OLA1: variants seen among roughly 807,000 people sequenced by gnomAD.
The protein encoded by OLA1 is obg-like ATPase 1.
Under a neutral mutation model 48.4 loss-of-function variants are expected in OLA1, and 14 were observed. The observed-to-expected ratio is 0.29, with a 90% CI of 0.19 to 0.45. The LOEUF (loss-of-function observed/expected upper bound fraction) is 0.45. OLA1 is among the 20% of genes least tolerant of loss of function. The pLI is 1.00. For synonymous variants in OLA1, 127 were observed against 150.4 expected, an observed-to-expected ratio of 0.84 and a Z score of 1.14; for missense variants, 325 against 467.1, an observed-to-expected ratio of 0.70 and a Z score of 2.80.
At chr2:174,098,578 G>A (rs1220021818) in intron 7 of OLA1, among the ~76,000 whole-genome samples, 1 of 152,132 alleles carries the variant, frequency 6.6e-6, no homozygotes, top group Non-Finnish European at 1.5e-5. Flanking sequence ...CAAGCAACCT[G>A]TTTGCAAAGG....
In OLA1 at chr2:174,072,786, C is replaced by T. The variant is rs1343209277; in HGVS notation, c.*2640G>A. On this transcript the variant is annotated 3_prime_UTR_variant, in exon 11 of 11. Transcript: ENST00000284719. ...TCATGAGTAAGGGGACTTATTCCAC[C>T]AATGAAACTGGCAAGTTATAAGTGA... is the stretch of plus-strand genomic sequence containing the variant. The T allele has an allele frequency of 6.6e-6, 1 of 152,064 alleles. No individual in the cohort carries two copies. The highest frequency in any genetic ancestry group is 1.5e-5 in the Non-Finnish European group (1 of 68,012). 9.4% of individuals were successfully genotyped at this position (152,064 alleles called of 1,614,324 possible).
At chr2:174,121,290 C>T (rs1685908659) in intron 7 of OLA1, among the ~76,000 whole-genome samples, 1 of 152,126 alleles carries the variant, frequency 6.6e-6, no homozygotes, top group African/African-American at 2.4e-5. Flanking sequence ...CACAATATTT[C>T]CCACTCATAA....
intron 7 of OLA1, among the ~76,000 whole-genome samples, chr2:174,107,091 C>A (rs1490473651): frequency 6.6e-6 from 1 of 152,110 alleles, no homozygotes; most frequent in African/African-American, 2.4e-5. Context: ...ATGGACTAGA[C>A]AATTTGCTCT....
chr2:174,230,652 TTAAA>T (rs1172772615), intron 2 of OLA1, among the ~76,000 whole-genome samples: 1 of 152,136 alleles, frequency 6.6e-6, no homozygotes, highest in Non-Finnish European at 1.5e-5. Context: ...GAAGAACATA[TTAAA>T]TGATACCATG....
At chr2:174,113,623 C>CT (rs1382868837) in intron 7 of OLA1, among the ~76,000 whole-genome samples, 2 of 152,074 alleles carry the variant, frequency 1.3e-5, no homozygotes, top group Non-Finnish European at 2.9e-5. Flanking sequence ...GAGAATTGTT[C>CT]TTTTTAACTA....
intron 7 of OLA1, among the ~76,000 whole-genome samples, chr2:174,102,788 GT>G (rs1253428513): frequency 2.6e-5 from 4 of 152,188 alleles, no homozygotes; most frequent in Non-Finnish European, 2.9e-5. Flanking sequence ...TTTGTCTACA[GT>G]GGTAAATGCA....
Position 174,075,182 on chromosome 2 carries a change from T to C in OLA1, c.*244A>G, listed in dbSNP as rs1254359072. 1 of 399,376 alleles carries C rather than the reference T, an allele frequency of 2.5e-6. No homozygotes were observed. The highest frequency in any genetic ancestry group is 2.1e-5 in the African/African-American group (1 of 47,106). The allele number at this position is 399,376 out of a possible 1,614,324, so 24.7% of individuals were successfully genotyped here. The stretch of plus-strand genomic sequence containing the variant: ...AGAGTAATATGGTTCCTGAAAAGCT[T>C]CTACAATTTGGAGTAGGGTCTTAAT... On this transcript the variant is annotated 3_prime_UTR_variant, in exon 11 of 11. Transcript: ENST00000284719.
At chr2:174,107,306 T>G (rs1315637385) in intron 7 of OLA1, among the ~76,000 whole-genome samples, 1 of 152,152 alleles carries the variant, frequency 6.6e-6, no homozygotes, top group Non-Finnish European at 1.5e-5. Flanking sequence ...TTTCTGTTTG[T>G]AAAATGGACG....
chr2:174,133,600 C>G (rs774850828), intron 5 of OLA1, among the ~76,000 whole-genome samples: 2 of 152,172 alleles, frequency 1.3e-5, no homozygotes, highest in Non-Finnish European at 2.9e-5. Flanking sequence ...CCCCCTCAGC[C>G]TCCCAAAGTA....
At chr2:174,197,106 C>T (rs986613513) in intron 4 of OLA1, among the ~76,000 whole-genome samples, 2 of 152,082 alleles carry the variant, frequency 1.3e-5, no homozygotes, top group African/African-American at 4.8e-5. Context: ...ATGGAGAAGA[C>T]CTTGTGCAGT....
intron 7 of OLA1, among the ~76,000 whole-genome samples, chr2:174,116,176 T>C (rs530108953): frequency 2.6e-5 from 4 of 152,362 alleles, no homozygotes; most frequent in East Asian, 1.9e-4. Flanking sequence ...CCCAGCCTTA[T>C]ATAAACAGGA....
chr2:174,127,238 G>A (rs1686065492), intron 5 of OLA1, among the ~76,000 whole-genome samples: 1 of 152,260 alleles, frequency 6.6e-6, no homozygotes, highest in East Asian at 1.9e-4. Flanking sequence ...GTGACTTGAA[G>A]GTTCATGTTC....
At chr2:174,203,550 C>G (rs942993981) in intron 4 of OLA1, among the ~76,000 whole-genome samples, 1 of 150,880 alleles carries the variant, frequency 6.6e-6, no homozygotes, top group Non-Finnish European at 1.5e-5. Flanking sequence ...ATCCTCTTGC[C>G]TCAGCCTCCC....
chr2:174,199,848 T>A (rs1380427437), intron 4 of OLA1, among the ~76,000 whole-genome samples: 1 of 152,240 alleles, frequency 6.6e-6, no homozygotes, highest in Non-Finnish European at 1.5e-5. Flanking sequence ...TCTGAAAGGT[T>A]ATTAAAATAC....
intron 2 of OLA1, among the ~76,000 whole-genome samples, chr2:174,238,047 T>C (rs1688900645): frequency 1.3e-5 from 2 of 152,234 alleles, no homozygotes; most frequent in South Asian, 4.1e-4. Context: ...AGCACTTGTC[T>C]GTAATAGGCA....
At chr2:174,200,630 C>A (rs6757482) in intron 4 of OLA1, among the ~76,000 whole-genome samples, 82,027 of 151,982 alleles carry the variant, frequency 0.54, 22,759 homozygotes, top group East Asian at 0.94. Context: ...AATGGACGGA[C>A]ACATAACAAA....
chr2:174,097,258 G>T (rs2105350157), intron 7 of OLA1, among the ~76,000 whole-genome samples: 1 of 152,284 alleles, frequency 6.6e-6, no homozygotes, highest in African/African-American at 2.4e-5. Flanking sequence ...GGAAGGGAAA[G>T]AATTCAAGCA....
At chr2:174,095,514 T>C in intron 7 of OLA1, among the ~76,000 whole-genome samples, 1 of 152,000 alleles carries the variant, frequency 6.6e-6, no homozygotes, top group East Asian at 1.9e-4. Context: ...AGTCCTCCGC[T>C]CTTGTTTTTA....
chr2:174,134,545 G>A (rs1268795593), intron 5 of OLA1, among the ~76,000 whole-genome samples: 1 of 151,962 alleles, frequency 6.6e-6, no homozygotes, highest in Non-Finnish European at 1.5e-5. Context: ...TTATTGTCAT[G>A]TATTTTAACT....
Sources: gnomAD v4.1 joint callset for allele counts (sites outside exome capture counted in the v4.1 genomes callset) on GRCh38, gnomAD v4.1.1 for gene constraint, MANE v1.5 for transcripts, NCBI Gene and HGNC (gene_info 2026-07-23, HGNC 2026-07-21) for gene names.